The following SPOCK3 variants were observed in gnomAD, a reference collection of about 807,000 sequenced individuals.
SPOCK3 encodes SPARC (osteonectin), cwcv and kazal like domains proteoglycan 3.
A neutral mutation model predicts 56.6 loss-of-function variants in SPOCK3; 30 were observed. The ratio of observed to expected loss-of-function variants is 0.53; its 90% CI spans 0.40 to 0.72. The LOEUF is 0.72. Ranked by LOEUF, SPOCK3 falls within the 30% of genes least tolerant of loss-of-function variation. The pLI, the probability that SPOCK3 is intolerant of heterozygous loss-of-function variation, is 0.00. For synonymous variants in SPOCK3, 196 were observed against 183.3 expected, an observed-to-expected ratio of 1.07 and a Z score of -0.56; for missense variants, 527 against 530.0, an observed-to-expected ratio of 0.99 and a Z score of 0.06.
chr4:167,153,993 C>A (rs1265754824), intron 2 of SPOCK3, among the ~76,000 whole-genome samples: 1 of 152,142 alleles, frequency 6.6e-6, no homozygotes, highest in Admixed American at 6.5e-5. Flanking sequence ...CTCATTTCTG[C>A]CTCAAGCCCC....
intron 5 of SPOCK3, among the ~76,000 whole-genome samples, chr4:166,896,774 T>C (rs1459623590): frequency 6.6e-6 from 1 of 152,220 alleles, no homozygotes; most frequent in Non-Finnish European, 1.5e-5. Flanking sequence ...TTTTCTTAAA[T>C]GTGCAATAGA....
At chr4:166,936,080 T>C (rs867435376) in intron 4 of SPOCK3, among the ~76,000 whole-genome samples, 1 of 152,192 alleles carries the variant, frequency 6.6e-6, no homozygotes, top group Admixed American at 6.5e-5. Context: ...CTGCATCTAA[T>C]GAGAAGATTA....
Position 166,792,302 on chromosome 4 carries a change from A to C in SPOCK3, c.590-13T>G. 1 of 1,613,498 alleles carries C rather than the reference A, an allele frequency of 6.2e-7. No homozygotes were observed. The highest frequency in any genetic ancestry group is 2.2e-5 in the East Asian group (1 of 44,842). Reference sequence around the variant, plus strand: ...AGGTCACTGCATGCTAAAAACAGAGAAACAACACAAGTCTTGAATAATATC... The same window carrying C: ...AGGTCACTGCATGCTAAAAACAGAGCAACAACACAAGTCTTGAATAATATC... On this transcript the variant is annotated splice_polypyrimidine_tract_variant and intron_variant, in intron 6 of 10. Transcript: ENST00000357545.
chr4:166,785,707 A>G (rs1740660143), intron 7 of SPOCK3, among the ~76,000 whole-genome samples: 1 of 152,166 alleles, frequency 6.6e-6, no homozygotes, highest in African/African-American at 2.4e-5. Flanking sequence ...AAAGCAAAAT[A>G]TCTTTCCATT....
chr4:166,778,299 A>G (rs1739789641), intron 7 of SPOCK3, among the ~76,000 whole-genome samples: 1 of 152,184 alleles, frequency 6.6e-6, no homozygotes. Flanking sequence ...ATGAACTAGT[A>G]GGCCTGTATT....
chr4:166,777,243 CAA>C (rs1739652357), intron 7 of SPOCK3, among the ~76,000 whole-genome samples: 1 of 151,836 alleles, frequency 6.6e-6, no homozygotes, highest in Non-Finnish European at 1.5e-5. Flanking sequence ...TGAAAAGAAA[CAA>C]AAACATTGAG....
chr4:167,129,295 G>A (rs1561247750), intron 2 of SPOCK3, among the ~76,000 whole-genome samples: 1 of 152,138 alleles, frequency 6.6e-6, no homozygotes, highest in South Asian at 2.1e-4. Context: ...TGAGAAATAC[G>A]GCTGTAGAGT....
intron 4 of SPOCK3, among the ~76,000 whole-genome samples, chr4:166,952,370 T>A (rs955330921): frequency 6.6e-6 from 1 of 152,112 alleles, no homozygotes; most frequent in African/African-American, 2.4e-5. Context: ...GGAATCCACC[T>A]TACAAGGGAC....
At chr4:167,028,687 C>A (rs555106213) in intron 3 of SPOCK3, among the ~76,000 whole-genome samples, 1 of 152,140 alleles carries the variant, frequency 6.6e-6, no homozygotes, top group South Asian at 2.1e-4. Flanking sequence ...ATTGAAAAAT[C>A]TCTTTATTTT....
chr4:166,977,777 C>G (rs1035996140), intron 4 of SPOCK3, among the ~76,000 whole-genome samples: 4 of 151,972 alleles, frequency 2.6e-5, no homozygotes, highest in Admixed American at 6.6e-5. Context: ...AACTTTTTTT[C>G]TGGAAATCTT....
intron 4 of SPOCK3, among the ~76,000 whole-genome samples, chr4:166,916,133 G>A (rs1214182610): frequency 6.6e-6 from 1 of 151,736 alleles, no homozygotes; most frequent in East Asian, 1.9e-4. Flanking sequence ...TTGAACCCAG[G>A]GAAACGAAGC....
intron 4 of SPOCK3, among the ~76,000 whole-genome samples, chr4:166,982,322 T>A (rs904210763): frequency 9.2e-5 from 14 of 152,232 alleles, no homozygotes; most frequent in Non-Finnish European, 1.2e-4. Flanking sequence ...TGACTTTGTA[T>A]CTCTTTTATC....
At chr4:167,120,431 A>T (rs1229091629) in intron 2 of SPOCK3, among the ~76,000 whole-genome samples, 1 of 152,074 alleles carries the variant, frequency 6.6e-6, no homozygotes, top group Non-Finnish European at 1.5e-5. Flanking sequence ...CTTATGTTAA[A>T]GACCATTCAT....
intron 2 of SPOCK3, among the ~76,000 whole-genome samples, chr4:167,185,852 C>A (rs1372750301): frequency 1.3e-5 from 2 of 152,152 alleles, no homozygotes; most frequent in African/African-American, 4.8e-5. Flanking sequence ...TATTTCATTT[C>A]TTTCCTTCAC....
chr4:167,144,058 G>A (rs1430740351), intron 2 of SPOCK3, among the ~76,000 whole-genome samples: 1 of 151,982 alleles, frequency 6.6e-6, no homozygotes, highest in Non-Finnish European at 1.5e-5. Context: ...AGTCAAACGA[G>A]TACATGCTCT....
At chr4:166,917,895 A>G (rs1288654804) in intron 4 of SPOCK3, among the ~76,000 whole-genome samples, 2 of 152,186 alleles carry the variant, frequency 1.3e-5, no homozygotes, top group African/African-American at 4.8e-5. Flanking sequence ...AATTATTAAC[A>G]GAAGGATTTG....
At chr4:167,219,520 A>G (rs879694591) in intron 2 of SPOCK3, among the ~76,000 whole-genome samples, 1 of 152,208 alleles carries the variant, frequency 6.6e-6, no homozygotes, top group African/African-American at 2.4e-5. Context: ...AATGTTTTAC[A>G]TATCAGAAGA....
At chr4:166,948,355 T>C (rs191184862) in intron 4 of SPOCK3, among the ~76,000 whole-genome samples, 1,771 of 152,282 alleles carry the variant, frequency 0.012, 37 homozygotes, top group African/African-American at 0.041. Flanking sequence ...ACTGATTGCA[T>C]TTCTTTTGAA....
At chr4:167,065,988 A>G (rs1756088664) in intron 2 of SPOCK3, among the ~76,000 whole-genome samples, 1 of 151,898 alleles carries the variant, frequency 6.6e-6, no homozygotes, top group Admixed American at 6.6e-5. Flanking sequence ...AAACTTATGG[A>G]GTGAGTTACA....
Sources: gnomAD v4.1 joint callset for allele counts (sites outside exome capture counted in the v4.1 genomes callset) on GRCh38, gnomAD v4.1.1 for gene constraint, MANE v1.5 for transcripts, NCBI Gene and HGNC (gene_info 2026-07-23, HGNC 2026-07-21) for gene names.